Variants in PLIN4 observed in about 807,000 individuals in gnomAD.
PLIN4 encodes the protein perilipin-4.
PLIN4 carries 57 observed loss-of-function variants against 52.4 expected under a neutral mutation model. The ratio of observed to expected loss-of-function variants is 1.09; its 90% confidence interval spans 0.88 to 1.36. The LOEUF is 1.36. Ranked by LOEUF, PLIN4 falls within the 40% of genes most tolerant of loss-of-function variation. The pLI is 0.00. For missense variants in PLIN4, 1,757 were observed against 1,770.3 expected (o/e 0.99, Z 0.13); for synonymous variants, 826 against 785.4 (o/e 1.05, Z -0.86).
In PLIN4 at chr19:4,518,375, C is replaced by T. The variant is rs1213116710; in HGVS notation, c.-18+10G>A. Reference sequence around the variant, plus strand: ...CTCCCCACTGAAAGCCTGAGCAGCCCGACACCCACCTGCAGGCCTGGCCTC... The same window carrying T: ...CTCCCCACTGAAAGCCTGAGCAGCCTGACACCCACCTGCAGGCCTGGCCTC... On this transcript the variant is annotated intron_variant, in intron 1 of 7. Transcript: ENST00000301286. 2.8e-5 allele frequency: 35 copies of T among 1,231,164 alleles called. No homozygotes were observed. The highest frequency in any genetic ancestry group is 3.2e-5 in the Non-Finnish European group (32 of 987,736). The allele number at this position is 1,231,164 out of a possible 1,614,324, so 76.3% of individuals were successfully genotyped here. A position where few individuals can be genotyped will look rare whatever the true frequency, so the allele number is the denominator to read the frequency against.
In PLIN4 at chr19:4,513,608, T is replaced by C; in HGVS notation, c.352A>G (p.Lys118Glu). The C allele has an allele frequency of 6.2e-7, 1 of 1,607,442 alleles. No individual in the cohort carries two copies. Among genetic ancestry groups the C allele is most frequent in the South Asian group, 1.1e-5 (1 of 90,276 alleles). ...SGVASVVDVA[K>E]GVVQGGLDTT... ...TCCAGGCCTCCCTGGACCACTCCCTTAGCCACGTCCACCACGCTGGCCACC... is the reference window on the plus strand; with the variant it reads ...TCCAGGCCTCCCTGGACCACTCCCTCAGCCACGTCCACCACGCTGGCCACC... Residue 118 changes from lysine to glutamate, a missense_variant, in exon 5 of 8, where the codon AAG becomes GAG. Physicochemically the swap from Lys to Glu is moderately conservative, Grantham distance 56. Around this residue, in one of 7 missense-constraint regions of PLIN4, gnomAD observed 332 missense variants for 310.8 expected, o/e 1.07. Transcript: ENST00000301286.
rs1976053041 is a variant in PLIN4, at chr19:4,505,093, CGT to C, written c.3703-148_3703-147del. The C allele has an allele frequency of 1.9e-5, 14 of 736,760 alleles. No individual in the cohort carries two copies. The South Asian group carries it at 2.3e-4, about 12-fold the overall frequency. The allele number at this position is 736,760 out of a possible 1,614,324, so 45.6% of individuals were successfully genotyped here. ...TCCAAGTCAGTTGTACCACAGTGGGCGTGTTGTCTTGCAGAAAGAGGCAATAG... is the reference window on the plus strand; with the variant it reads ...TCCAAGTCAGTTGTACCACAGTGGGCGTTGTCTTGCAGAAAGAGGCAATAG... On this transcript the variant is annotated intron_variant, in intron 6 of 7. Coordinates refer to ENST00000301286, the MANE Select transcript of PLIN4 (RefSeq NM_001367868.2).
intron 5 of PLIN4, 67 bp downstream of exon 5, chr19:4,510,379 A>AAAC (rs1170998744): frequency 2.3e-6 from 3 of 1,315,620 alleles, no homozygotes; most frequent in African/African-American, 3.0e-5. Flanking sequence ...AAAAAAAACA[A>AAAC]AACAGTCAAG....
At position 4,502,288 on chromosome 19, in the gene PLIN4, T is replaced by G; in HGVS notation, c.*2171A>C. ...GCTGGGGCGCAGGCGGCAGTGTCAC[T>G]GGGCCCGTTTGGGACTGGGTTGAGC... On this transcript the variant is annotated 3_prime_UTR_variant, in exon 8 of 8. Coordinates refer to ENST00000301286, the MANE Select transcript of PLIN4 (RefSeq NM_001367868.2). 2.0e-6 allele frequency: 1 copy of G among 505,190 alleles called. No individual in the cohort carries two copies. The highest frequency in any genetic ancestry group is 3.6e-6 in the Non-Finnish European group (1 of 276,070). 31.3% of individuals were successfully genotyped at this position (505,190 alleles called of 1,614,324 possible).
At position 4,511,008 on chromosome 19, in the gene PLIN4, G is replaced by A. The variant is rs372047973; in HGVS notation, c.2952C>T (p.Asp984=). 8.1e-6 allele frequency: 13 copies of A among 1,613,180 alleles called. No individual in the cohort carries two copies. The highest frequency in any genetic ancestry group is 3.3e-5 in the Admixed American group (2 of 60,006). The change falls in exon 5 of 8, where the codon GAC becomes GAT. Residue 984 remains aspartate (D), a synonymous_variant. Coordinates refer to ENST00000301286, the MANE Select transcript of PLIN4 (RefSeq NM_001367868.2). ...TACCCATAAGCACAGCCTTGGAGGC[G>A]TCCACGCCGGTCTGCACGGTTCCTT... The part of the protein sequence containing the change: ...VAKGTVQTGV[D]ASKAVLMGTK...
chr19:4,508,922 A>ACCTTTGGC lies in PLIN4; in HGVS notation c.3540_3547dup (p.Val1183GlyfsTer16). The ACCTTTGGC allele has an allele frequency of 6.2e-7, 1 of 1,612,720 alleles. No individual in the cohort carries two copies. Among genetic ancestry groups the ACCTTTGGC allele is most frequent in the Non-Finnish European group, 8.5e-7 (1 of 1,179,714 alleles). On this transcript the variant is annotated frameshift_variant, in exon 6 of 8. Coordinates refer to ENST00000301286, the MANE Select transcript of PLIN4 (RefSeq NM_001367868.2). LOFTEE classifies it high-confidence loss of function. ...GTAGCTCCCCTGTTCCGCCGACAGC[A>ACCTTTGGC]CCTTTGGCCCAGGCTGGGAGGCAGC... is the stretch of plus-strand genomic sequence containing the variant.
In PLIN4 at chr19:4,504,203, T is replaced by C. The variant is rs1320327691; in HGVS notation, c.*256A>G. The C allele has an allele frequency of 3.5e-5, 15 of 426,036 alleles. No individual in the cohort carries two copies. Among genetic ancestry groups the C allele is most frequent in the Admixed American group, 3.3e-4 (8 of 24,248 alleles). The allele number at this position is 426,036 out of a possible 1,614,324, so 26.4% of individuals were successfully genotyped here. On this transcript the variant is annotated 3_prime_UTR_variant, in exon 8 of 8. Transcript: ENST00000301286. ...GAAGGCTCTTGGCTGGTGGTCTGAG[T>C]GACCCCAGGCTCCGAGAGGGGCAGG...
Position 4,518,207 on chromosome 19 carries a change from A to C in PLIN4, c.51+15T>G. On this transcript the variant is annotated intron_variant, in intron 2 of 7. Coordinates refer to ENST00000301286, the MANE Select transcript of PLIN4 (RefSeq NM_001367868.2). Reference sequence around the variant, plus strand: ...CCAGGCCCCAGCAAGAATCTGCCCCATTTCCCCTCTTTACCTTGCCCTTCG... The same window carrying C: ...CCAGGCCCCAGCAAGAATCTGCCCCCTTTCCCCTCTTTACCTTGCCCTTCG... 8.1e-7 allele frequency: 1 copy of C among 1,233,056 alleles called. No homozygotes were observed. The allele number at this position is 1,233,056 out of a possible 1,614,324, so 76.4% of individuals were successfully genotyped here.
intron 3 of PLIN4, among the ~76,000 whole-genome samples, chr19:4,517,195 G>C (rs1976606847): frequency 6.6e-6 from 1 of 152,118 alleles, no homozygotes; most frequent in African/African-American, 2.4e-5. Context: ...GTGACCCCAG[G>C]GGAGCTGTTG....
At chr19:4,505,010 C>A in intron 6 of PLIN4, 63 bp from the exon 7 acceptor site, 1 of 1,437,414 alleles carries the variant, frequency 7.0e-7, no homozygotes, top group Non-Finnish European at 9.5e-7. Context: ...ACAACCCCCA[C>A]CTCCCCCTCC....
chr19:4,511,389 G>A lies in PLIN4; in HGVS notation c.2571C>T (p.Ile857=), dbSNP rs567056343. The change falls in exon 5 of 8, where the codon ATC becomes ATT. Residue 857 remains isoleucine, a synonymous_variant. Transcript: ENST00000301286. ...CAAGGGTGTTCTTTGTACCTGTTGC[G>A]ATATTTTGGGTCGTTTTCAGCCCAG... ...VQTGLKTTQN[I]ATGTKNTLGS... 38 of 1,576,250 alleles carry A rather than the reference G, an allele frequency of 2.4e-5. No homozygotes were observed. Among genetic ancestry groups the A allele is most frequent in the African/African-American group, 3.1e-5 (2 of 64,412 alleles).
intron 5 of PLIN4, 48 bp from the exon 6 acceptor site, chr19:4,509,003 CAG>C (rs1976191506): frequency 3.2e-6 from 5 of 1,546,738 alleles, no homozygotes; most frequent in Non-Finnish European, 4.4e-6. Context: ...CTCAGGGCAT[CAG>C]GGCTTTATAA....
chr19:4,509,310 C>CAAGAAAAAAAAAAAAAAAAAAAA (rs1976207340), intron 5 of PLIN4, among the ~76,000 whole-genome samples: 1 of 15,784 alleles, frequency 6.3e-5, no homozygotes, highest in Non-Finnish European at 1.3e-4. Context: ...GACTCCGTCT[C>CAAGAAAAAAAAAAAAAAAAAAAA]AAAAAAAAAA....
rs775256852 is a variant in PLIN4 at position 4,517,613 on chromosome 19, C to T, written c.137G>A (p.Arg46Gln). The change falls in exon 3 of 8, where the codon CGG becomes CAG. Residue 46 changes from arginine (R) to glutamine (Q), a missense_variant. Coordinates refer to ENST00000301286, the MANE Select transcript of PLIN4 (RefSeq NM_001367868.2). ...VANAHSSARA[R>Q]PAADPTGAPA... ...CGCTCCTGTGGGGTCAGCGGCCGGC[C>T]GGGCTCTCGCCGAGCTATGTGCGTT... 5.8e-5 allele frequency: 93 copies of T among 1,610,226 alleles called. No homozygotes were observed. Among genetic ancestry groups the T allele is most frequent in the Non-Finnish European group, 7.5e-5 (89 of 1,178,998 alleles).
chr19:4,512,748 G>A lies in PLIN4; in HGVS notation c.1212C>T (p.Ser404=), dbSNP rs1206815446. 2 of 1,560,020 alleles carry A rather than the reference G, an allele frequency of 1.3e-6. No individual in the cohort carries two copies. Among genetic ancestry groups the A allele is most frequent in the Middle Eastern group, 1.7e-4 (1 of 5,872 alleles). Residue 404 remains serine (S), a synonymous_variant, in exon 5 of 8, where the codon TCC becomes TCT. Transcript: ENST00000301286. ...CATTCGCTGCCCCTGTGAGCCCAGT[G>A]GACATCGTGTCTTTCGTACCCATGA... ...SMVMGTKDTM[S]TGLTGAANVA...
At position 4,512,232 on chromosome 19, in the gene PLIN4, C is replaced by T. The variant is rs375328281; in HGVS notation, c.1728G>A (p.Ala576=). 116 of 1,612,926 alleles carry T rather than the reference C, an allele frequency of 7.2e-5. No homozygotes were observed. The highest frequency in any genetic ancestry group is 4.2e-4 in the South Asian group (38 of 91,036). ...DTMSTGLTGA[A]NVAKGAVQTG... ...TCTGGACAGCCCCCTTGGCCACATTCGCTGCCCCCGTGAGCCCAGTGGACA... is the reference window on the plus strand; with the variant it reads ...TCTGGACAGCCCCCTTGGCCACATTTGCTGCCCCCGTGAGCCCAGTGGACA... Residue 576 remains alanine, a synonymous_variant, in exon 5 of 8, where the codon GCG becomes GCA. Transcript: ENST00000301286.
rs752535465 is a variant in PLIN4, at chr19:4,504,933, C to T, written c.3717G>A (p.Gln1239=). ...QDCFRLIEKA[Q]QAPEGQPRLD... ...GACGTGGCTGCCCTTCTGGAGCCTG[C>T]TGGGCCTTTTCAATCTGGAGAGAGA... Residue 1239 remains glutamine, a synonymous_variant, in exon 7 of 8, where the codon CAG becomes CAA. Coordinates refer to ENST00000301286, the MANE Select transcript of PLIN4 (RefSeq NM_001367868.2). 24 of 1,605,036 alleles carry T rather than the reference C, an allele frequency of 1.5e-5. No individual in the cohort carries two copies. Among genetic ancestry groups the T allele is most frequent in the Non-Finnish European group, 1.8e-5 (21 of 1,176,842 alleles).
At chr19:4,506,836 G>A (rs1479099132) in intron 6 of PLIN4, among the ~76,000 whole-genome samples, 2 of 152,256 alleles carry the variant, frequency 1.3e-5, no homozygotes, top group Non-Finnish European at 2.9e-5. Context: ...TTACAGGAAC[G>A]CCTTCCAACT....
At position 4,513,666 on chromosome 19, in the gene PLIN4, C is replaced by T. The variant is rs752474690; in HGVS notation, c.294G>A (p.Lys98=). 6.3e-6 allele frequency: 10 copies of T among 1,599,368 alleles called. No homozygotes were observed. The highest frequency in any genetic ancestry group is 1.7e-4 in the Middle Eastern group (1 of 5,984). The change falls in exon 5 of 8, where the codon AAG becomes AAA. Residue 98 remains lysine, a synonymous_variant. Coordinates refer to ENST00000301286, the MANE Select transcript of PLIN4 (RefSeq NM_001367868.2). ...ACACGGCATCCTTGGCCCTGGACATCTTGGAACACACCAGGTCTTTGGCCC... is the reference window on the plus strand; with the variant it reads ...ACACGGCATCCTTGGCCCTGGACATTTTGGAACACACCAGGTCTTTGGCCC... ...VSGAKDLVCS[K]MSRAKDAVSS...
Sources: gnomAD v4.1 joint callset for allele counts (sites outside exome capture counted in the v4.1 genomes callset) on GRCh38, gnomAD v4.1.1 for gene constraint, gnomAD v4.1.1 regional missense constraint, MANE v1.5 for transcripts, NCBI Gene and HGNC (gene_info 2026-07-23, HGNC 2026-07-21) for gene names.